ERC2: variants seen among roughly 807,000 people sequenced by gnomAD.
ERC2 encodes the protein ERC protein 2.
Under a neutral mutation model 114.8 loss-of-function variants are expected in ERC2, and 42 were observed. That is an observed-to-expected ratio of 0.37 (90% CI 0.29 to 0.47). The LOEUF (loss-of-function observed/expected upper bound fraction) is 0.47, where lower values mean the gene tolerates loss of function less well. Ranked by LOEUF, ERC2 falls within the 20% of genes least tolerant of loss-of-function variation. ERC2 has a pLI of 0.99. For synonymous variants in ERC2, 454 were observed against 425.5 expected (o/e 1.07, Z -0.82); for missense variants, 939 against 1,150.7 (o/e 0.82, Z 2.66).
At chr3:55,910,345 T>C (rs1177030695) in intron 13 of ERC2, among the ~76,000 whole-genome samples, 1 of 150,892 alleles carries the variant, frequency 6.6e-6, no homozygotes, top group Non-Finnish European at 1.5e-5. Flanking sequence ...TGAGCCGAGA[T>C]CACACCACTG....
chr3:55,600,590 C>G (rs2058356034), intron 17 of ERC2, among the ~76,000 whole-genome samples: 1 of 152,176 alleles, frequency 6.6e-6, no homozygotes, highest in African/African-American at 2.4e-5. Context: ...GCATTATACC[C>G]CTTTGAAAAG....
intron 12 of ERC2, among the ~76,000 whole-genome samples, chr3:55,983,385 C>T (rs947184778): frequency 1.3e-5 from 2 of 152,166 alleles, no homozygotes; most frequent in East Asian, 1.9e-4. Flanking sequence ...AACCCTCCCC[C>T]GAGTACAATA....
intron 14 of ERC2, among the ~76,000 whole-genome samples, chr3:55,804,869 C>T (rs1253363536): frequency 1.3e-5 from 2 of 152,060 alleles, no homozygotes; most frequent in Admixed American, 6.5e-5. Flanking sequence ...AGCAACTGTT[C>T]TTCTGCTTGC....
chr3:56,379,488 G>A (rs2059668848), intron 2 of ERC2, among the ~76,000 whole-genome samples: 1 of 152,084 alleles, frequency 6.6e-6, no homozygotes, highest in African/African-American at 2.4e-5. Flanking sequence ...CTAAGAGAAG[G>A]TACAACTGTA....
At chr3:56,296,663 C>T (rs1430335124) in intron 2 of ERC2, among the ~76,000 whole-genome samples, 1 of 151,932 alleles carries the variant, frequency 6.6e-6, no homozygotes, top group Non-Finnish European at 1.5e-5. Context: ...AAGAGAAATG[C>T]ACACACACAC....
chr3:56,345,034 G>A (rs1206447196), intron 2 of ERC2, among the ~76,000 whole-genome samples: 2 of 152,186 alleles, frequency 1.3e-5, no homozygotes, highest in African/African-American at 4.8e-5. Flanking sequence ...AGGTATTTAT[G>A]GCACTGAAAT....
intron 17 of ERC2, among the ~76,000 whole-genome samples, chr3:55,552,277 G>A (rs1435096798): frequency 6.6e-6 from 1 of 152,154 alleles, no homozygotes; most frequent in African/African-American, 2.4e-5. Context: ...GGTGGGGTTG[G>A]GGGCAGGGAA....
Position 55,608,873 on chromosome 3 carries a change from T to C in ERC2, c.*39+74921A>G, listed in dbSNP as rs977708333. Among the ~76,000 whole-genome samples the C allele has an allele frequency of 5.9e-5, 9 of 152,220 alleles. 1 individual carries two copies. The highest frequency in any genetic ancestry group is 5.2e-4 in the Admixed American group (8 of 15,282). On this transcript the variant is annotated intron_variant, in intron 17 of 17. Coordinates refer to ENST00000288221, the MANE Select transcript of ERC2 (RefSeq NM_015576.3). ...AATTGGGATAAATTTAGACACTGGC[T>C]TCCGAAGGCTGGCATGGACTAGCAG... is the stretch of plus-strand genomic sequence containing the variant.
intron 2 of ERC2, among the ~76,000 whole-genome samples, chr3:56,353,811 T>TAC (rs1403091686): frequency 6.7e-6 from 1 of 149,004 alleles, no homozygotes; most frequent in East Asian, 2.0e-4. Context: ...TAATAAAATA[T>TAC]ATATATATAT....
At chr3:56,412,909 A>C (rs2060997434) in intron 2 of ERC2, among the ~76,000 whole-genome samples, 1 of 152,238 alleles carries the variant, frequency 6.6e-6, no homozygotes, top group East Asian at 1.9e-4. Context: ...AAATGGATAG[A>C]CATATTAACA....
chr3:55,613,982 CAAAAAAAAAAAAAAA>C (rs60242810), intron 17 of ERC2, among the ~76,000 whole-genome samples: 4 of 62,246 alleles, frequency 6.4e-5, no homozygotes, highest in African/African-American at 1.4e-4. Context: ...GACTTCCTCT[CAAAAAAAAAAAAAAA>C]AAAAAAAAAA....
Position 56,237,473 on chromosome 3 carries a change from T to A in ERC2, c.1074+58546A>T, listed in dbSNP as rs575097188. Among the ~76,000 whole-genome samples, 14 of 152,332 alleles carry A rather than the reference T, an allele frequency of 9.2e-5. 1 individual carries two copies. Among genetic ancestry groups the A allele is most frequent in the Admixed American group, 9.2e-4 (14 of 15,298 alleles). On this transcript the variant is annotated intron_variant, in intron 3 of 17. Transcript: ENST00000288221. ...AATTGAGAAAGGACACGTTTTCCTT[T>A]TCCTGGGCAGGTTTTGGGGATGTCA...
intron 17 of ERC2, among the ~76,000 whole-genome samples, chr3:55,535,017 C>T (rs1210634391): frequency 6.6e-6 from 1 of 152,212 alleles, no homozygotes; most frequent in Non-Finnish European, 1.5e-5. Context: ...AGTCACTCGA[C>T]CATCAACCAT....
rs774899210 is a variant in ERC2 at position 56,010,514 on chromosome 3, G to A, written c.1855C>T (p.Arg619Ter). ...RERLEEIESF[R>*]KENKDLKEKV... ...TCTTTCAGGTCTTTGTTCTCTTTTC[G>A]GAAGGATTCTATCTCTTCTAGTCTT... is the stretch of plus-strand genomic sequence containing the variant. Residue 619 changes from arginine (R) to a stop codon, truncating the protein, a stop_gained, in exon 9 of 18, where the codon CGA (arginine) becomes TGA (stop). Transcript: ENST00000288221. LOFTEE classifies it high-confidence loss of function. 3.1e-6 allele frequency: 5 copies of A among 1,613,422 alleles called. No homozygotes were observed. Among genetic ancestry groups the A allele is most frequent in the Non-Finnish European group, 3.4e-6 (4 of 1,179,630 alleles).
chr3:55,693,553 C>G (rs1176246617), intron 16 of ERC2, among the ~76,000 whole-genome samples: 5 of 151,788 alleles, frequency 3.3e-5, no homozygotes, highest in African/African-American at 1.2e-4. Context: ...GGAGAGTTTG[C>G]AATTGGCACA....
intron 5 of ERC2, among the ~76,000 whole-genome samples, chr3:56,146,565 T>C (rs2081146943): frequency 6.6e-6 from 1 of 152,328 alleles, no homozygotes; most frequent in South Asian, 2.1e-4. Flanking sequence ...GATTATTATT[T>C]GGTTATACCT....
In ERC2 at chr3:55,550,820, T is replaced by C. The variant is rs991311007; in HGVS notation, c.*40-39544A>G. Among the ~76,000 whole-genome samples, 10 of 151,866 alleles carry C rather than the reference T, an allele frequency of 6.6e-5. No homozygotes were observed. The East Asian group carries it at 7.8e-4, about 12-fold the overall frequency. ...TCACGAGGTCAGGAGATCGAGACCA[T>C]CCTGGCTAACACGGTGAAACCCCAT... is the stretch of plus-strand genomic sequence containing the variant. On this transcript the variant is annotated intron_variant, in intron 17 of 17. Transcript: ENST00000288221.
chr3:55,561,516 GC>G (rs1485017447), intron 17 of ERC2, among the ~76,000 whole-genome samples: 1 of 152,174 alleles, frequency 6.6e-6, no homozygotes, highest in Non-Finnish European at 1.5e-5. Flanking sequence ...GCTAAACCAT[GC>G]CTGCACATCA....
intron 1 of ERC2, among the ~76,000 whole-genome samples, chr3:56,435,431 C>T (rs956103971): frequency 9.2e-5 from 14 of 152,046 alleles, no homozygotes; most frequent in African/African-American, 3.4e-4. Flanking sequence ...GAAAATGAAG[C>T]TCTCTATATT....
Sources: allele counts gnomAD v4.1 joint callset (sites outside exome capture counted in the v4.1 genomes callset), GRCh38; gene constraint gnomAD v4.1.1; transcripts MANE v1.5; gene names NCBI Gene and HGNC (gene_info 2026-07-23, HGNC 2026-07-21).